The following STK32B variants were observed in gnomAD, a reference collection of about 807,000 sequenced individuals.
The protein encoded by STK32B is serine/threonine-protein kinase 32B.
In STK32B, 43 loss-of-function variants were observed where a neutral mutation model predicts 52.6. The observed-to-expected ratio is 0.82, with a 90% CI of 0.64 to 1.05. The LOEUF is 1.05. STK32B is among the 50% of genes least tolerant of loss of function. The pLI is 0.00. For missense variants in STK32B, 621 were observed against 534.6 expected (o/e 1.16, Z -1.59); for synonymous variants, 238 against 204.3 (o/e 1.17, Z -1.41).
At position 5,495,492 on chromosome 4, in the gene STK32B, A is replaced by G. The variant is rs555735003; in HGVS notation, c.1107-3453A>G. On this transcript the variant is annotated intron_variant, in intron 11 of 11. Transcript: ENST00000282908. ...ATACATTCGTCTGAATTTTTTTCAA[A>G]GTTTTCAACTTCTTTGCCTTCAGTT... Among the ~76,000 whole-genome samples the G allele has an allele frequency of 4.7e-4, 71 of 152,154 alleles. 1 individual carries two copies. Among genetic ancestry groups the G allele is most frequent in the African/African-American group, 1.6e-3 (68 of 41,462 alleles).
At chr4:5,167,829 A>G (rs1718997491) in intron 2 of STK32B, among the ~76,000 whole-genome samples, 3 of 152,224 alleles carry the variant, frequency 2.0e-5, no homozygotes, top group African/African-American at 7.2e-5. Context: ...GAGAGTCCTC[A>G]GGGAGAGAAA....
intron 3 of STK32B, among the ~76,000 whole-genome samples, chr4:5,186,725 C>T (rs1205803781): frequency 1.3e-5 from 2 of 152,160 alleles, no homozygotes; most frequent in African/African-American, 2.4e-5. Flanking sequence ...GCCTCCTCGA[C>T]ATACCCATCC....
chr4:5,123,383 C>G (rs369649147), intron 1 of STK32B, among the ~76,000 whole-genome samples: 6 of 152,292 alleles, frequency 3.9e-5, no homozygotes, highest in African/African-American at 1.2e-4. Context: ...GAGTTTTTGT[C>G]CATAACCCGG....
rs1717807469 is a variant in STK32B, at chr4:5,470,945, T to A, written c.1106+2875T>A. On this transcript the variant is annotated intron_variant, in intron 11 of 11. Transcript: ENST00000282908. This position sits in a 1 kb window ranked among gnomAD's most constrained non-coding sequence, Gnocchi z 4.6. ...GCCAAGCATCAAGCCAGGCTTGTCGTCATGCTCCGCCTGGACCACGTCCCC... is the reference window on the plus strand; with the variant it reads ...GCCAAGCATCAAGCCAGGCTTGTCGACATGCTCCGCCTGGACCACGTCCCC... Among the ~76,000 whole-genome samples the A allele has an allele frequency of 6.6e-6, 1 of 152,222 alleles. No homozygotes were observed. Among genetic ancestry groups the A allele is most frequent in the South Asian group, 2.1e-4 (1 of 4,836 alleles).
Position 5,467,301 on chromosome 4 carries a change from A to G in STK32B, c.1041+467A>G, listed in dbSNP as rs1369033419. ...CAAACTCAAGGTCTCCGCAGAGCCCAGCTCTCTCCAAAGGCTATAGGGGAG... is the reference window on the plus strand; with the variant it reads ...CAAACTCAAGGTCTCCGCAGAGCCCGGCTCTCTCCAAAGGCTATAGGGGAG... On this transcript the variant is annotated intron_variant, in intron 10 of 11. Coordinates refer to ENST00000282908, the MANE Select transcript of STK32B (RefSeq NM_018401.3). The surrounding 1 kb of genome is among the most constrained non-coding windows in gnomAD (Gnocchi z 5.8). 6.6e-6 allele frequency among the ~76,000 whole-genome samples: 1 copy of G among 152,164 alleles called. No homozygotes were observed. The highest frequency in any genetic ancestry group is 1.9e-4 in the East Asian group (1 of 5,170).
At chr4:5,307,050 T>G (rs1385631506) in intron 3 of STK32B, among the ~76,000 whole-genome samples, 3 of 152,186 alleles carry the variant, frequency 2.0e-5, no homozygotes, top group Non-Finnish European at 4.4e-5. Flanking sequence ...CCTGATGCTC[T>G]TGCCTCACAG....
In STK32B at chr4:5,394,642, C is replaced by G. The variant is rs1479054898; in HGVS notation, c.435-3565C>G. 6.6e-6 allele frequency among the ~76,000 whole-genome samples: 1 copy of G among 152,186 alleles called. No individual in the cohort carries two copies. The highest frequency in any genetic ancestry group is 1.5e-5 in the Non-Finnish European group (1 of 68,036). On this transcript the variant is annotated intron_variant, in intron 4 of 11. Transcript: ENST00000282908. This position sits in a 1 kb window ranked among gnomAD's most constrained non-coding sequence, Gnocchi z 4.2. ...TTCTCCCTAGCTCCTTTTGAAAGAG[C>G]AATGACAGTCCCATCACTGTGACTT...
At chr4:5,410,364 C>A (rs16837156) in intron 5 of STK32B, among the ~76,000 whole-genome samples, 3,467 of 151,852 alleles carry the variant, frequency 0.023, 158 homozygotes, top group African/African-American at 0.078. Flanking sequence ...GAGATTTATT[C>A]CGAATTCAAG....
At chr4:5,019,525 C>T in the STK32B span, 2 of 1,357,610 alleles carry the variant, frequency 1.5e-6, no homozygotes, top group Non-Finnish European at 1.9e-6. Context: ...CACGCCTCCA[C>T]TTCCTGTGGG....
At chr4:5,030,724 C>A in the STK32B span, among the ~76,000 whole-genome samples, 1 of 152,164 alleles carries the variant, frequency 6.6e-6, no homozygotes, top group African/African-American at 2.4e-5. Flanking sequence ...CAGCTAGGTT[C>A]AATCTGTGTT....
intron 1 of STK32B, among the ~76,000 whole-genome samples, chr4:5,099,649 T>C (rs910972903): frequency 2.0e-5 from 3 of 152,070 alleles, no homozygotes; most frequent in Admixed American, 2.0e-4. Flanking sequence ...AGATAGGATT[T>C]GAAAGAATAA....
At chr4:5,385,646 A>C (rs1736198091) in intron 4 of STK32B, among the ~76,000 whole-genome samples, 1 of 152,032 alleles carries the variant, frequency 6.6e-6, no homozygotes, top group Admixed American at 6.5e-5. Flanking sequence ...TGTGGTGTGT[A>C]ACCCTTCTCC....
the STK32B span, among the ~76,000 whole-genome samples, chr4:5,045,990 CT>C: frequency 6.6e-6 from 1 of 152,172 alleles, no homozygotes; most frequent in Non-Finnish European, 1.5e-5. Context: ...CATTAACATT[CT>C]TCACAGAATT....
At chr4:5,411,655 C>T (rs1389558384) in intron 5 of STK32B, among the ~76,000 whole-genome samples, 1 of 152,130 alleles carries the variant, frequency 6.6e-6, no homozygotes, top group African/African-American at 2.4e-5. Context: ...TGTCCTGGAA[C>T]CAGTTCCCCA....
At position 5,460,822 on chromosome 4, in the gene STK32B, G is replaced by A. The variant is rs1716970962; in HGVS notation, c.909+594G>A. Among the ~76,000 whole-genome samples, 1 of 152,218 alleles carries A rather than the reference G, an allele frequency of 6.6e-6. No individual in the cohort carries two copies. The highest frequency in any genetic ancestry group is 1.5e-5 in the Non-Finnish European group (1 of 68,038). On this transcript the variant is annotated intron_variant, in intron 9 of 11. Transcript: ENST00000282908. The surrounding 1 kb of genome is among the most constrained non-coding windows in gnomAD (Gnocchi z 4.8). ...TTATAGCATTTAAGGGAATAAACCAGAGGGAATATAATAGGAAATGGGGCC... is the reference window on the plus strand; with the variant it reads ...TTATAGCATTTAAGGGAATAAACCAAAGGGAATATAATAGGAAATGGGGCC...
intron 3 of STK32B, among the ~76,000 whole-genome samples, chr4:5,312,909 A>G (rs1288721229): frequency 6.6e-6 from 1 of 152,102 alleles, no homozygotes; most frequent in African/African-American, 2.4e-5. Flanking sequence ...TCCCACCAAC[A>G]GTGTAAAAGT....
At chr4:5,249,689 G>A (rs1023140058) in intron 3 of STK32B, among the ~76,000 whole-genome samples, 2 of 152,034 alleles carry the variant, frequency 1.3e-5, no homozygotes, top group African/African-American at 4.8e-5. Context: ...ATCAAATACA[G>A]AGGCAGGTTA....
At chr4:5,022,291 G>A in the STK32B span, among the ~76,000 whole-genome samples, 1 of 152,204 alleles carries the variant, frequency 6.6e-6, no homozygotes, top group African/African-American at 2.4e-5. Context: ...CCAGTAAGGT[G>A]TGGCTGAATG....
chr4:5,053,487 C>T (rs1472258044), intron 1 of STK32B, among the ~76,000 whole-genome samples: 2 of 152,198 alleles, frequency 1.3e-5, no homozygotes, highest in Non-Finnish European at 2.9e-5. Flanking sequence ...ATTTTCCTAG[C>T]ATCTTTCTCT....
Sources: allele counts gnomAD v4.1 joint callset (sites outside exome capture counted in the v4.1 genomes callset), GRCh38; gene constraint gnomAD v4.1.1; non-coding constraint Gnocchi (gnomAD v3.1); transcripts MANE v1.5; gene names NCBI Gene and HGNC (gene_info 2026-07-23, HGNC 2026-07-21).